Variants in KCND2 observed in about 807,000 individuals in gnomAD.
The protein encoded by KCND2 is potassium voltage-gated channel subfamily D member 2, also known as A-type voltage-gated potassium channel KCND2.
Under a neutral mutation model 54.4 loss-of-function variants are expected in KCND2, and 16 were observed. The observed-to-expected ratio is 0.29, with a 90% CI of 0.20 to 0.45. KCND2 has a LOEUF of 0.45. Among genes scored for constraint, KCND2 ranks in the 20% least tolerant of loss-of-function variants. The pLI is 1.00. For synonymous variants in KCND2, 317 were observed against 310.7 expected (o/e 1.02, Z -0.21); for missense variants, 486 against 824.2 (o/e 0.59, Z 5.02).
At chr7:120,400,151 A>G (rs926277421) in intron 1 of KCND2, among the ~76,000 whole-genome samples, 5 of 152,160 alleles carry the variant, frequency 3.3e-5, no homozygotes, top group African/African-American at 4.8e-5. Flanking sequence ...GGGTCAAAGC[A>G]TTTTGACTAT....
intron 1 of KCND2, among the ~76,000 whole-genome samples, chr7:120,655,219 C>T (rs762561243): frequency 1.3e-5 from 2 of 151,778 alleles, no homozygotes; most frequent in Non-Finnish European, 2.9e-5. Context: ...AGTAAATAAA[C>T]TTCAATTACT....
At chr7:120,311,369 G>T (rs1799733658) in intron 1 of KCND2, among the ~76,000 whole-genome samples, 1 of 152,132 alleles carries the variant, frequency 6.6e-6, no homozygotes, top group African/African-American at 2.4e-5. Flanking sequence ...TTAAACATTT[G>T]CCAACACTTT....
At chr7:120,635,068 A>G (rs1305740675) in intron 1 of KCND2, among the ~76,000 whole-genome samples, 1 of 152,190 alleles carries the variant, frequency 6.6e-6, no homozygotes, top group Non-Finnish European at 1.5e-5. Flanking sequence ...AGTCCATTGA[A>G]CTAGGGTAGA....
chr7:120,558,647 C>T (rs1044891986), intron 1 of KCND2, among the ~76,000 whole-genome samples: 2 of 152,068 alleles, frequency 1.3e-5, no homozygotes, highest in Non-Finnish European at 2.9e-5. Flanking sequence ...GGTCTACATC[C>T]TATGGTGAAA....
intron 1 of KCND2, among the ~76,000 whole-genome samples, chr7:120,582,784 G>A (rs1418822695): frequency 6.6e-6 from 1 of 151,986 alleles, no homozygotes; most frequent in Non-Finnish European, 1.5e-5. Context: ...GCCCAATTAT[G>A]GCCCAGCAGG....
chr7:120,371,629 G>A (rs1459003826), intron 1 of KCND2, among the ~76,000 whole-genome samples: 3 of 151,918 alleles, frequency 2.0e-5, no homozygotes, highest in Non-Finnish European at 2.9e-5. Context: ...AGCAACTTCC[G>A]GTTCTGCAGG....
At chr7:120,386,864 C>A (rs954537723) in intron 1 of KCND2, among the ~76,000 whole-genome samples, 2 of 152,080 alleles carry the variant, frequency 1.3e-5, no homozygotes, top group African/African-American at 4.8e-5. Flanking sequence ...ATTATTTTAA[C>A]AGGTATCAAC....
At chr7:120,608,100 T>C (rs1030192474) in intron 1 of KCND2, among the ~76,000 whole-genome samples, 2 of 151,998 alleles carry the variant, frequency 1.3e-5, no homozygotes, top group African/African-American at 4.8e-5. Context: ...TCTTTATATG[T>C]GTATAAATAT....
intron 1 of KCND2, among the ~76,000 whole-genome samples, chr7:120,500,608 A>C (rs2116316131): frequency 6.6e-6 from 1 of 152,168 alleles, no homozygotes; most frequent in South Asian, 2.1e-4. Context: ...TCAATGCAAA[A>C]AAGAAATGAA....
intron 1 of KCND2, among the ~76,000 whole-genome samples, chr7:120,640,269 A>G (rs1318074891): frequency 1.3e-5 from 2 of 152,160 alleles, no homozygotes; most frequent in Non-Finnish European, 2.9e-5. Flanking sequence ...TCTCTCCAGC[A>G]ATTTCATATT....
intron 1 of KCND2, among the ~76,000 whole-genome samples, chr7:120,406,192 T>C (rs1373394389): frequency 6.6e-6 from 1 of 152,022 alleles, no homozygotes; most frequent in Non-Finnish European, 1.5e-5. Flanking sequence ...CAATTTACTT[T>C]TACTTCTTGA....
At chr7:120,527,225 C>A (rs1399555963) in intron 1 of KCND2, among the ~76,000 whole-genome samples, 1 of 152,052 alleles carries the variant, frequency 6.6e-6, no homozygotes, top group East Asian at 1.9e-4. Flanking sequence ...GAAATTAAAT[C>A]AACTTTAATA....
intron 1 of KCND2, among the ~76,000 whole-genome samples, chr7:120,486,380 A>G (rs1460605669): frequency 1.3e-5 from 2 of 152,156 alleles, no homozygotes; most frequent in African/African-American, 2.4e-5. Flanking sequence ...AAGGTGATTC[A>G]TGCTGCCAAA....
intron 1 of KCND2, among the ~76,000 whole-genome samples, chr7:120,335,468 CTTATTTATTTAT>C (rs757550470): frequency 0.052 from 5,732 of 110,610 alleles, 168 homozygotes; most frequent in Non-Finnish European, 0.072. Context: ...TACTTACTTA[CTTATTTATTTAT>C]TTATTTATTT....
chr7:120,743,616 A>C (rs1014396666), intron 4 of KCND2, among the ~76,000 whole-genome samples: 2 of 152,170 alleles, frequency 1.3e-5, no homozygotes, highest in Non-Finnish European at 2.9e-5. Context: ...GAGGAACTTG[A>C]GTGGAGACCT....
At chr7:120,505,274 C>T (rs1275775263) in intron 1 of KCND2, among the ~76,000 whole-genome samples, 1 of 151,588 alleles carries the variant, frequency 6.6e-6, no homozygotes, top group African/African-American at 2.4e-5. Context: ...GTCCTCCCTC[C>T]CTCTTCCCCT....
At chr7:120,566,099 T>G (rs542482747) in intron 1 of KCND2, among the ~76,000 whole-genome samples, 1 of 152,272 alleles carries the variant, frequency 6.6e-6, no homozygotes, top group South Asian at 2.1e-4. Flanking sequence ...CTCAGGGACT[T>G]GTACATTTTT....
chr7:120,717,888 A>G (rs1238656644), intron 1 of KCND2, among the ~76,000 whole-genome samples: 1 of 152,076 alleles, frequency 6.6e-6, no homozygotes, highest in Non-Finnish European at 1.5e-5. Flanking sequence ...TCTCTCTCCT[A>G]GAGGTCACTA....
chr7:120,525,137 T>TC (rs1791757335), intron 1 of KCND2, among the ~76,000 whole-genome samples: 1 of 152,138 alleles, frequency 6.6e-6, no homozygotes, highest in African/African-American at 2.4e-5. Context: ...TAAAATAAAT[T>TC]CCCAGGCTCT....
Sources: gnomAD v4.1 joint callset for allele counts (sites outside exome capture counted in the v4.1 genomes callset) on GRCh38, gnomAD v4.1.1 for gene constraint, MANE v1.5 for transcripts, NCBI Gene and HGNC (gene_info 2026-07-23, HGNC 2026-07-21) for gene names.